The following NBR1 variants were observed in gnomAD, a reference collection of about 807,000 sequenced individuals.
NBR1 encodes next to BRCA1 gene 1 protein.
NBR1 carries 59 observed loss-of-function variants against 115.5 expected under a neutral mutation model. The observed-to-expected ratio is 0.51, with a 90% confidence interval of 0.41 to 0.63. NBR1 has a LOEUF of 0.63. Among genes scored for constraint, NBR1 ranks in the 30% least tolerant of loss-of-function variants. NBR1 has a pLI of 0.00. For synonymous variants in NBR1, 373 were observed against 414.7 expected, an observed-to-expected ratio of 0.90 and a Z score of 1.22; for missense variants, 1,043 against 1,150.5, an observed-to-expected ratio of 0.91 and a Z score of 1.35.
At chr17:43,198,903 C>T (rs537818626) in intron 16 of NBR1, among the ~76,000 whole-genome samples, 1 of 152,184 alleles carries the variant, frequency 6.6e-6, no homozygotes, top group East Asian at 1.9e-4. Flanking sequence ...GTGCAGCTTG[C>T]AGTGAGCTGA....
intron 6 of NBR1, 54 bp from the exon 7 acceptor site, chr17:43,188,988 G>A: frequency 2.5e-6 from 3 of 1,207,644 alleles, no homozygotes; most frequent in Non-Finnish European, 3.7e-6. Context: ...TCCAGGAAAA[G>A]TATTTTAAAT....
chr17:43,208,582 A>G (rs2154582492), intron 20 of NBR1, among the ~76,000 whole-genome samples: 1 of 152,350 alleles, frequency 6.6e-6, no homozygotes, highest in Middle Eastern at 3.4e-3. Context: ...ATGGAAGATT[A>G]GGGTTTGAGT....
In NBR1 at chr17:43,209,999, C is replaced by T; in HGVS notation, c.2826C>T (p.His942=). 6.2e-7 allele frequency: 1 copy of T among 1,602,554 alleles called. No individual in the cohort carries two copies. Among genetic ancestry groups the T allele is most frequent in the South Asian group, 1.1e-5 (1 of 90,812 alleles). Residue 942 remains histidine, a synonymous_variant, in exon 21 of 21, where the codon CAC becomes CAT. Coordinates refer to ENST00000590996, the MANE Select transcript of NBR1 (RefSeq NM_005899.5). ...TGAACCTACGGCTGCTGAAGAAACA[C>T]AATTACAATATCCTGCAGGTTGTGA... ...RQLNLRLLKK[H]NYNILQVVTE...
At chr17:43,198,991 T>A (rs1048862062) in intron 16 of NBR1, among the ~76,000 whole-genome samples, 2 of 152,078 alleles carry the variant, frequency 1.3e-5, no homozygotes, top group South Asian at 4.1e-4. Flanking sequence ...TATCTTTATA[T>A]TTTTTTCCAC....
Position 43,194,497 on chromosome 17 carries a change from CAGGTGGAAGA to C in NBR1, c.1673_1674+8del. On this transcript the variant is annotated splice_donor_variant and splice_donor_5th_base_variant and coding_sequence_variant and intron_variant, in exon 13 of 21. Coordinates refer to ENST00000590996, the MANE Select transcript of NBR1 (RefSeq NM_005899.5). LOFTEE classifies it high-confidence loss of function. ...CCCATCTGTGGATCTTCTGACTGCCCAGGTGGAAGATTCAGCACTTTGAAGGGCAAGGGAC... is the reference window on the plus strand; with the variant it reads ...CCCATCTGTGGATCTTCTGACTGCCCTTCAGCACTTTGAAGGGCAAGGGAC... The C allele has an allele frequency of 6.2e-7, 1 of 1,613,730 alleles. No individual in the cohort carries two copies. Among genetic ancestry groups the C allele is most frequent in the Non-Finnish European group, 8.5e-7 (1 of 1,179,774 alleles).
intron 1 of NBR1, among the ~76,000 whole-genome samples, chr17:43,172,320 C>T (rs1309569913): frequency 6.6e-6 from 1 of 152,192 alleles, no homozygotes; most frequent in Admixed American, 6.5e-5. Context: ...ATGGTCCAGC[C>T]AAGCTAGAAT....
chr17:43,205,726 A>G (rs917344024), intron 20 of NBR1, among the ~76,000 whole-genome samples: 3 of 152,004 alleles, frequency 2.0e-5, no homozygotes, highest in Non-Finnish European at 2.9e-5. Flanking sequence ...AAAACATAAA[A>G]AATTAGCTGG....
chr17:43,175,510 A>T (rs2056489863), intron 1 of NBR1, among the ~76,000 whole-genome samples: 1 of 152,230 alleles, frequency 6.6e-6, no homozygotes, highest in African/African-American at 2.4e-5. Context: ...TGTTTCCAAC[A>T]TGTGGAAGTT....
intron 19 of NBR1, among the ~76,000 whole-genome samples, 159 bp downstream of exon 19, chr17:43,202,871 A>G (rs17527933): frequency 0.37 from 55,539 of 152,118 alleles, 10,345 homozygotes; most frequent in South Asian, 0.5. Context: ...GCTTTGAGCA[A>G]CACTGAACAA....
At chr17:43,175,032 G>T (rs1030556247) in intron 1 of NBR1, among the ~76,000 whole-genome samples, 12 of 152,274 alleles carry the variant, frequency 7.9e-5, no homozygotes, top group African/African-American at 2.9e-4. Context: ...CCAGGAGGTG[G>T]AGGTTGCAGT....
At chr17:43,191,087 A>G (rs9908561) in intron 9 of NBR1, among the ~76,000 whole-genome samples, 2,068 of 152,206 alleles carry the variant, frequency 0.014, 35 homozygotes, top group African/African-American at 0.046. Context: ...TCCCGCCTCT[A>G]CAAAAAAAAT....
intron 20 of NBR1, chr17:43,209,698 A>G: frequency 1.3e-6 from 2 of 1,534,624 alleles, no homozygotes; most frequent in South Asian, 1.2e-5. Flanking sequence ...GTACACAGAT[A>G]ACTAATCTAA....
intron 5 of NBR1, among the ~76,000 whole-genome samples, chr17:43,182,757 T>C (rs2056704630): frequency 6.6e-6 from 1 of 151,810 alleles, no homozygotes; most frequent in African/African-American, 2.4e-5. Context: ...AGTTACCCAT[T>C]GAATGCTTTT....
chr17:43,179,301 G>A (rs1358822525), intron 3 of NBR1, 93 bp from the exon 4 acceptor site: 5 of 1,184,680 alleles, frequency 4.2e-6, no homozygotes, highest in Admixed American at 2.0e-5. Context: ...CTTGGCCTGA[G>A]TTTTTGTCTG....
rs558625061 is a variant in NBR1 at position 43,200,074 on chromosome 17, C to G, written c.2027-93C>G. The G allele has an allele frequency of 1.2e-4, 120 of 1,031,474 alleles. No individual in the cohort carries two copies. In the African/African-American group the frequency reaches 1.8e-3, roughly 15 times the overall value. The allele number at this position is 1,031,474 out of a possible 1,614,324, so 63.9% of individuals were successfully genotyped here. The stretch of plus-strand genomic sequence containing the variant: ...TCCCTCTCCTCTGGCTTTCATAATT[C>G]TAGCTTATGATCCACAAGGCTTTAC... On this transcript the variant is annotated intron_variant, in intron 16 of 20. Transcript: ENST00000590996.
chr17:43,195,167 A>G, intron 14 of NBR1, 128 bp downstream of exon 14: 1 of 731,514 alleles, frequency 1.4e-6, no homozygotes, highest in Non-Finnish European at 2.4e-6. Flanking sequence ...ATAGTAAAGC[A>G]GCAATCATGG....
chr17:43,203,678 C>A lies in NBR1; in HGVS notation c.2622-3C>A. 6.2e-7 allele frequency: 1 copy of A among 1,600,420 alleles called. No individual in the cohort carries two copies. The highest frequency in any genetic ancestry group is 2.2e-5 in the East Asian group (1 of 44,684). The stretch of plus-strand genomic sequence containing the variant: ...GGGGAGATAATTTGGTTTTCCTCTG[C>A]AGGCACCATCATGGGAGCAGCATTG... On this transcript the variant is annotated splice_polypyrimidine_tract_variant and splice_region_variant and intron_variant, in intron 19 of 20. Coordinates refer to ENST00000590996, the MANE Select transcript of NBR1 (RefSeq NM_005899.5).
chr17:43,210,203 C>A lies in NBR1; in HGVS notation c.*129C>A. 1.3e-6 allele frequency: 1 copy of A among 769,234 alleles called. No individual in the cohort carries two copies. Among genetic ancestry groups the A allele is most frequent in the Non-Finnish European group, 1.9e-6 (1 of 536,668 alleles). The allele number at this position is 769,234 out of a possible 1,614,324, so 47.7% of individuals were successfully genotyped here. ...CTGTATAGAGCCCATCGTTGAGTTA[C>A]CAAGACAATACCTGCTACAGTATTT... On this transcript the variant is annotated 3_prime_UTR_variant, in exon 21 of 21. Transcript: ENST00000590996.
chr17:43,185,639 C>T (rs1243283927), intron 5 of NBR1, among the ~76,000 whole-genome samples: 1 of 152,158 alleles, frequency 6.6e-6, no homozygotes, highest in Non-Finnish European at 1.5e-5. Flanking sequence ...AGACAGGCTG[C>T]AGTGAGCCAT....
Sources: allele counts gnomAD v4.1 joint callset (sites outside exome capture counted in the v4.1 genomes callset), GRCh38; gene constraint gnomAD v4.1.1; transcripts MANE v1.5; gene names NCBI Gene and HGNC (gene_info 2026-07-23, HGNC 2026-07-21).